CFAP74: variants seen among roughly 807,000 people sequenced by gnomAD.
CFAP74 encodes the protein cilia and flagella associated protein 74, also known as cilia- and flagella-associated protein 74.
In CFAP74, 124 loss-of-function variants were observed where a neutral mutation model predicts 188.9. That is an observed-to-expected ratio of 0.66 (90% CI 0.57 to 0.76). The LOEUF (loss-of-function observed/expected upper bound fraction) is 0.76, where lower values mean the gene tolerates loss of function less well. Ranked by LOEUF, CFAP74 falls within the 30% of genes least tolerant of loss-of-function variation. The pLI, the probability that CFAP74 is intolerant of heterozygous loss-of-function variation, is 0.00. For synonymous variants in CFAP74, 956 were observed against 916.7 expected (o/e 1.04, Z -0.77); for missense variants, 2,198 against 2,165.2 (o/e 1.02, Z -0.30).
chr1:1,955,888 C>T (rs1570907072), intron 17 of CFAP74, 38 bp from the exon 18 acceptor site: 1 of 1,582,364 alleles, frequency 6.3e-7, no homozygotes, highest in Non-Finnish European at 8.6e-7. Context: ...TGGGAGGTTT[C>T]CCACCTCCTT....
chr1:1,987,098 T>C, intron 4 of CFAP74, 63 bp from the exon 5 acceptor site: 2 of 1,416,346 alleles, frequency 1.4e-6, no homozygotes, highest in Non-Finnish European at 2.0e-6. Context: ...AAAGTGACAG[T>C]GGGCGTGGCA....
At chr1:1,994,550 G>C (rs1385654040) in intron 1 of CFAP74, among the ~76,000 whole-genome samples, 2 of 152,178 alleles carry the variant, frequency 1.3e-5, no homozygotes, top group Non-Finnish European at 2.9e-5. Context: ...TTTTCCACTT[G>C]AAAGAACTGA....
intron 21 of CFAP74, among the ~76,000 whole-genome samples, chr1:1,943,834 C>T (rs533742305): frequency 2.7e-4 from 41 of 152,326 alleles, no homozygotes; most frequent in African/African-American, 7.7e-4. Flanking sequence ...GGCCAAGGTG[C>T]GGGCAGGGCC....
At chr1:1,949,035 C>CCTTA (rs1291723181) in intron 18 of CFAP74, among the ~76,000 whole-genome samples, 3 of 122,668 alleles carry the variant, frequency 2.4e-5, no homozygotes, top group Admixed American at 8.0e-5. Flanking sequence ...TCTCTCCCTC[C>CCTTA]CTCCTTCCTT....
At chr1:1,947,154 T>TG in intron 18 of CFAP74, 100 bp from the exon 19 acceptor site, 1 of 871,148 alleles carries the variant, frequency 1.1e-6, no homozygotes, top group East Asian at 2.7e-5. Flanking sequence ...ACCCATATCC[T>TG]GGGCTCTGTT....
chr1:1,954,507 G>A (rs909047645), intron 18 of CFAP74: 2 of 155,152 alleles, frequency 1.3e-5, no homozygotes, highest in African/African-American at 4.8e-5. Flanking sequence ...CGGTGGGCTA[G>A]GCGAGGTGGC....
At chr1:1,967,168 C>T (rs939636620) in intron 11 of CFAP74, among the ~76,000 whole-genome samples, 1 of 152,160 alleles carries the variant, frequency 6.6e-6, no homozygotes, top group Non-Finnish European at 1.5e-5. Flanking sequence ...AAGCCATGCC[C>T]GGGAAAAGCC....
intron 1 of CFAP74, among the ~76,000 whole-genome samples, chr1:1,999,654 A>C (rs528870981): frequency 2.7e-5 from 4 of 150,626 alleles, no homozygotes; most frequent in African/African-American, 9.8e-5. Flanking sequence ...CCGTCTCTAC[A>C]AAAAATACAA....
chr1:1,996,244 C>T (rs1363776683), intron 1 of CFAP74, among the ~76,000 whole-genome samples: 5 of 152,132 alleles, frequency 3.3e-5, no homozygotes, highest in South Asian at 2.1e-4. Flanking sequence ...CTCAGCCTTC[C>T]GAAGTGCTGG....
At chr1:1,924,623 A>C (rs1570809660) in intron 33 of CFAP74, 103 bp from the exon 34 acceptor site, 2 of 1,307,900 alleles carry the variant, frequency 1.5e-6, no homozygotes, top group African/African-American at 1.5e-5. Flanking sequence ...GGCCACACCC[A>C]AGTGGGGACC....
Position 1,988,992 on chromosome 1 carries a change from G to A in CFAP74, c.68-19C>T, listed in dbSNP as rs764036101. ...TCTCTTTCTAGAAATCAAGGCAAGA[G>A]TTTAAAAAAAAAAAAAAGCAGATCA... On this transcript the variant is annotated intron_variant, in intron 2 of 38. Transcript: ENST00000682832. The A allele has an allele frequency of 2.7e-6, 3 of 1,096,688 alleles. No individual in the cohort carries two copies. Among genetic ancestry groups the A allele is most frequent in the African/African-American group, 1.6e-5 (1 of 61,180 alleles). 67.9% of individuals were successfully genotyped at this position (1,096,688 alleles called of 1,614,324 possible).
intron 1 of CFAP74, among the ~76,000 whole-genome samples, chr1:2,001,027 C>T (rs1658178455): frequency 1.3e-5 from 2 of 151,970 alleles, no homozygotes; most frequent in Middle Eastern, 3.4e-3. Flanking sequence ...GCTGGGCTGT[C>T]GGAGCCTGGC....
At chr1:1,989,092 C>T in intron 2 of CFAP74, 119 bp from the exon 3 acceptor site, 1 of 483,172 alleles carries the variant, frequency 2.1e-6, no homozygotes, top group Non-Finnish European at 3.8e-6. Flanking sequence ...TGCTGCACTG[C>T]AGCCACACAA....
At chr1:1,938,810 C>T (rs773731185) in intron 25 of CFAP74, 45 bp downstream of exon 25, 20 of 1,524,012 alleles carry the variant, frequency 1.3e-5, no homozygotes, top group South Asian at 8.4e-5. Flanking sequence ...CCCTCCTGAG[C>T]GGGCACTCCA....
intron 24 of CFAP74, 42 bp downstream of exon 24, chr1:1,939,552 C>A: frequency 6.6e-7 from 1 of 1,514,136 alleles, no homozygotes; most frequent in South Asian, 1.2e-5. Flanking sequence ...CAGGACTTCC[C>A]AGCCTCACCC....
At chr1:1,997,315 G>C (rs1657970288) in intron 1 of CFAP74, among the ~76,000 whole-genome samples, 1 of 151,804 alleles carries the variant, frequency 6.6e-6, no homozygotes, top group Non-Finnish European at 1.5e-5. Context: ...CCAGCTACTT[G>C]GGAGGCTGAG....
intron 20 of CFAP74, among the ~76,000 whole-genome samples, chr1:1,945,226 G>C (rs1028912293): frequency 6.6e-6 from 1 of 152,154 alleles, no homozygotes; most frequent in Non-Finnish European, 1.5e-5. Context: ...AGAATCGCTT[G>C]AACCCGGGAG....
chr1:1,924,000 C>T lies in CFAP74; in HGVS notation c.4235-71G>A. 1 of 1,524,218 alleles carries T rather than the reference C, an allele frequency of 6.6e-7. No homozygotes were observed. Among genetic ancestry groups the T allele is most frequent in the Non-Finnish European group, 8.9e-7 (1 of 1,124,948 alleles). 94.4% of individuals were successfully genotyped at this position (1,524,218 alleles called of 1,614,324 possible). ...ACTGTCTGCCCTCCAAGCCTTGCTGCATAGAGCTCTACACCCTGCCCGCCC... is the reference window on the plus strand; with the variant it reads ...ACTGTCTGCCCTCCAAGCCTTGCTGTATAGAGCTCTACACCCTGCCCGCCC... On this transcript the variant is annotated intron_variant, in intron 34 of 38. Coordinates refer to ENST00000682832, the MANE Select transcript of CFAP74 (RefSeq NM_001304360.2). The surrounding 1 kb of genome is among the most constrained non-coding windows in gnomAD (Gnocchi z 6.3).
chr1:1,927,885 G>A, intron 27 of CFAP74, 139 bp from the exon 28 acceptor site: 6 of 948,210 alleles, frequency 6.3e-6, no homozygotes, highest in Non-Finnish European at 7.7e-6. Flanking sequence ...AAGCCGACCG[G>A]CGCCCGAGGA....
Sources: gnomAD v4.1 joint callset for allele counts (sites outside exome capture counted in the v4.1 genomes callset) on GRCh38, gnomAD v4.1.1 for gene constraint, Gnocchi (gnomAD v3.1) non-coding constraint, MANE v1.5 for transcripts, NCBI Gene and HGNC (gene_info 2026-07-23, HGNC 2026-07-21) for gene names.